The following CCDC171 variants were observed in gnomAD, a reference collection of about 807,000 sequenced individuals.
The protein encoded by CCDC171 is coiled-coil domain-containing protein 171.
In CCDC171, 177 loss-of-function variants were observed where a neutral mutation model predicts 168.2. That is an observed-to-expected ratio of 1.05 (90% CI 0.93 to 1.19). The LOEUF is 1.19. CCDC171 is among the 50% of genes most tolerant of loss of function. The pLI is 0.00. For missense variants in CCDC171, 1,991 were observed against 1,539.0 expected, an observed-to-expected ratio of 1.29 and a Z score of -4.91; for synonymous variants, 687 against 540.8, an observed-to-expected ratio of 1.27 and a Z score of -3.75.
intron 21 of CCDC171, among the ~76,000 whole-genome samples, chr9:15,825,641 T>G (rs1222946312): frequency 6.6e-6 from 1 of 152,128 alleles, no homozygotes; most frequent in Non-Finnish European, 1.5e-5. Flanking sequence ...CCTCCCTATT[T>G]CCAATACAGG....
In CCDC171 at chr9:15,669,900, G is replaced by T. The variant is rs150238112; in HGVS notation, c.1076+3577G>T. Among the ~76,000 whole-genome samples, 35 of 141,078 alleles carry T rather than the reference G, an allele frequency of 2.5e-4. 1 individual carries two copies. In the East Asian group the frequency reaches 7.0e-3, roughly 28 times the overall value. 92.6% of individuals were successfully genotyped at this position (141,078 alleles called of 152,430 possible). On this transcript the variant is annotated intron_variant, in intron 9 of 25. Transcript: ENST00000380701. ...CATTATATGTAAAACATAGTCCAAA[G>T]ATGGCTATTTGTTAAAATACCCTGT...
At chr9:15,646,541 G>A (rs1277407735) in intron 7 of CCDC171, among the ~76,000 whole-genome samples, 1 of 152,118 alleles carries the variant, frequency 6.6e-6, no homozygotes, top group Non-Finnish European at 1.5e-5. Context: ...GCCTTAAAAT[G>A]AAGGGATGGA....
At chr9:15,798,255 C>G (rs553089491) in intron 21 of CCDC171, among the ~76,000 whole-genome samples, 3 of 152,018 alleles carry the variant, frequency 2.0e-5, no homozygotes, top group Non-Finnish European at 4.4e-5. Context: ...CTTGTTGGAT[C>G]TGTTGTGATA....
intron 21 of CCDC171, among the ~76,000 whole-genome samples, chr9:15,824,503 GC>G (rs1482780127): frequency 6.6e-6 from 1 of 152,016 alleles, no homozygotes; most frequent in Non-Finnish European, 1.5e-5. Context: ...GTGGTATGCT[GC>G]CCCCAGGTGT....
intron 11 of CCDC171, among the ~76,000 whole-genome samples, chr9:15,706,256 C>CCTTG: frequency 6.6e-6 from 1 of 151,472 alleles, no homozygotes; most frequent in Non-Finnish European, 1.5e-5. Flanking sequence ...TTCCTTCCTT[C>CCTTG]CTTCCTTCCT....
intron 6 of CCDC171, among the ~76,000 whole-genome samples, chr9:15,601,207 CA>C (rs1314325875): frequency 6.6e-6 from 1 of 152,198 alleles, no homozygotes; most frequent in African/African-American, 2.4e-5. Context: ...ATGCAGAAAT[CA>C]TTCGTCTTTT....
chr9:15,780,952 G>A (rs1026963398), intron 20 of CCDC171, among the ~76,000 whole-genome samples: 14 of 151,916 alleles, frequency 9.2e-5, no homozygotes, highest in African/African-American at 9.7e-5. Context: ...CTCTCCTTCC[G>A]TTTGATTTGC....
intron 24 of CCDC171, among the ~76,000 whole-genome samples, chr9:15,893,713 A>T (rs1820514857): frequency 6.6e-6 from 1 of 152,168 alleles, no homozygotes. Context: ...AGAAATGCAA[A>T]CTAAAACCAC....
chr9:15,788,177 G>C (rs1232964853), intron 21 of CCDC171, among the ~76,000 whole-genome samples: 1 of 152,162 alleles, frequency 6.6e-6, no homozygotes, highest in Non-Finnish European at 1.5e-5. Flanking sequence ...AATGGGAAAA[G>C]CACTGGCCTT....
At chr9:15,660,063 T>C (rs2048204312) in intron 8 of CCDC171, among the ~76,000 whole-genome samples, 2 of 152,232 alleles carry the variant, frequency 1.3e-5, no homozygotes, top group Admixed American at 1.3e-4. Flanking sequence ...TATAGTGTTT[T>C]ACCTTATTGT....
intron 18 of CCDC171, among the ~76,000 whole-genome samples, chr9:15,773,177 A>C (rs1163549026): frequency 6.6e-6 from 1 of 152,142 alleles, no homozygotes; most frequent in East Asian, 1.9e-4. Context: ...CTTCCACATA[A>C]TAGATGTATT....
intron 2 of CCDC171, among the ~76,000 whole-genome samples, chr9:15,566,500 A>T (rs1203076902): frequency 6.6e-6 from 1 of 152,220 alleles, no homozygotes; most frequent in African/African-American, 2.4e-5. Context: ...CGGAGATTGC[A>T]GTGAGCCTAG....
chr9:15,736,055 C>T (rs1029721213), intron 16 of CCDC171, among the ~76,000 whole-genome samples: 2 of 151,854 alleles, frequency 1.3e-5, no homozygotes, highest in African/African-American at 4.8e-5. Context: ...ATTTTACAAG[C>T]GAGGAATCTG....
At chr9:15,636,556 C>G (rs1042385563) in intron 7 of CCDC171, among the ~76,000 whole-genome samples, 2 of 151,688 alleles carry the variant, frequency 1.3e-5, no homozygotes, top group African/African-American at 4.8e-5. Flanking sequence ...CAAGACCAGC[C>G]TTGGCAACAT....
intron 24 of CCDC171, among the ~76,000 whole-genome samples, chr9:15,912,577 A>G (rs1344667503): frequency 1.3e-5 from 2 of 150,920 alleles, no homozygotes; most frequent in African/African-American, 4.9e-5. Flanking sequence ...ACAATTTCCA[A>G]TAAATAGGAG....
At chr9:15,567,642 G>C (rs2039857775) in intron 2 of CCDC171, among the ~76,000 whole-genome samples, 1 of 151,872 alleles carries the variant, frequency 6.6e-6, no homozygotes, top group African/African-American at 2.4e-5. Context: ...GTATTTTTCA[G>C]TGTAAAAATC....
chr9:15,795,051 A>C (rs867582155), intron 21 of CCDC171, among the ~76,000 whole-genome samples: 1 of 152,240 alleles, frequency 6.6e-6, no homozygotes, highest in Non-Finnish European at 1.5e-5. Context: ...AAAATAGCAC[A>C]GATGGAGTAA....
intron 21 of CCDC171, among the ~76,000 whole-genome samples, chr9:15,790,923 T>G (rs2058225534): frequency 6.6e-6 from 1 of 152,218 alleles, no homozygotes; most frequent in African/African-American, 2.4e-5. Context: ...GTGGTATTAT[T>G]TCTGAGGGCT....
chr9:15,560,044 A>G (rs1465716439), intron 1 of CCDC171, among the ~76,000 whole-genome samples: 1 of 152,154 alleles, frequency 6.6e-6, no homozygotes, highest in African/African-American at 2.4e-5. Flanking sequence ...TTCTTTAAGA[A>G]TGTTGAATAT....
Sources: allele counts gnomAD v4.1 joint callset (sites outside exome capture counted in the v4.1 genomes callset), GRCh38; gene constraint gnomAD v4.1.1; transcripts MANE v1.5; gene names NCBI Gene and HGNC (gene_info 2026-07-23, HGNC 2026-07-21).